Variants in GRIA1 observed in about 807,000 individuals in gnomAD.
GRIA1 encodes the protein glutamate ionotropic receptor AMPA type subunit 1.
A neutral mutation model predicts 99.2 loss-of-function variants in GRIA1; 31 were observed. That is an observed-to-expected ratio of 0.31 (90% CI 0.23 to 0.42). GRIA1 has a LOEUF of 0.42. Among genes scored for constraint, GRIA1 ranks in the 10% least tolerant of loss-of-function variants. The pLI is 1.00. For missense variants in GRIA1, 782 were observed against 1,157.5 expected, an observed-to-expected ratio of 0.68 and a Z score of 4.71; for synonymous variants, 438 against 432.4, an observed-to-expected ratio of 1.01 and a Z score of -0.16.
intron 8 of GRIA1, among the ~76,000 whole-genome samples, chr5:153,692,274 A>G (rs1467121624): frequency 2.6e-5 from 4 of 152,102 alleles, no homozygotes; most frequent in Non-Finnish European, 5.9e-5. Flanking sequence ...TGTACTTTTC[A>G]TGGTGCTTAT....
intron 13 of GRIA1, among the ~76,000 whole-genome samples, chr5:153,771,870 A>C (rs1410705326): frequency 6.6e-6 from 1 of 152,140 alleles, no homozygotes; most frequent in Non-Finnish European, 1.5e-5. Context: ...TAAAAACATA[A>C]GGTAATCAAA....
At chr5:153,749,849 AAAT>A (rs1762397644) in intron 11 of GRIA1, among the ~76,000 whole-genome samples, 1 of 152,084 alleles carries the variant, frequency 6.6e-6, no homozygotes, top group East Asian at 1.9e-4. Flanking sequence ...TGGAAAAAAA[AAAT>A]AGGAACAAAG....
intron 2 of GRIA1, among the ~76,000 whole-genome samples, chr5:153,583,824 G>T (rs1763245525): frequency 1.3e-5 from 2 of 152,086 alleles, no homozygotes; most frequent in South Asian, 4.1e-4. Flanking sequence ...AGAAACTGAG[G>T]GCTGGGAAAG....
intron 11 of GRIA1, among the ~76,000 whole-genome samples, chr5:153,715,642 G>T (rs940908289): frequency 6.6e-6 from 1 of 152,134 alleles, no homozygotes; most frequent in African/African-American, 2.4e-5. Context: ...CACTGTAAAT[G>T]CTGTTGTTAT....
chr5:153,803,981 G>A (rs1346093648), intron 15 of GRIA1, among the ~76,000 whole-genome samples: 2 of 152,114 alleles, frequency 1.3e-5, no homozygotes, highest in Non-Finnish European at 2.9e-5. Flanking sequence ...GCATTTCCCT[G>A]TCAGCCTACC....
intron 2 of GRIA1, among the ~76,000 whole-genome samples, chr5:153,620,233 T>C (rs71588096): frequency 0.038 from 5,804 of 152,194 alleles, 168 homozygotes; most frequent in Middle Eastern, 0.075. Flanking sequence ...CTGGAAAACA[T>C]AGAAGGAACT....
intron 2 of GRIA1, among the ~76,000 whole-genome samples, chr5:153,503,969 C>T (rs1055505636): frequency 4.6e-5 from 7 of 152,168 alleles, no homozygotes; most frequent in African/African-American, 1.7e-4. Flanking sequence ...TATATCAGAT[C>T]CCAGCACTGG....
chr5:153,623,018 A>C (rs892695744), intron 2 of GRIA1, among the ~76,000 whole-genome samples: 4 of 152,254 alleles, frequency 2.6e-5, no homozygotes, highest in Non-Finnish European at 5.9e-5. Flanking sequence ...AAACAGATTT[A>C]GGATAACTAT....
chr5:153,557,805 G>C lies in GRIA1; in HGVS notation c.220+63740G>C, dbSNP rs371928148. 2.0e-5 allele frequency: 3 copies of C among 152,258 alleles called. No homozygotes were observed. In the East Asian group the frequency reaches 5.8e-4, roughly 29 times the overall value. The allele number at this position is 152,258 out of a possible 1,614,324, so 9.4% of individuals were successfully genotyped here. A position where few individuals can be genotyped will look rare whatever the true frequency, so the allele number is the denominator to read the frequency against. Reference sequence around the variant, plus strand: ...TTTCTTCCACCTCCACAGCTTGTCCGGCTGAAAGGTCTTCAGTGGCAATAG... The same window carrying C: ...TTTCTTCCACCTCCACAGCTTGTCCCGCTGAAAGGTCTTCAGTGGCAATAG... On this transcript the variant is annotated intron_variant, in intron 2 of 15. Coordinates refer to ENST00000285900, the MANE Select transcript of GRIA1 (RefSeq NM_000827.4).
intron 13 of GRIA1, among the ~76,000 whole-genome samples, chr5:153,780,002 C>T (rs980459640): frequency 1.3e-5 from 2 of 152,188 alleles, no homozygotes; most frequent in African/African-American, 4.8e-5. Flanking sequence ...TGGCCTTTAC[C>T]TAGGTGAGAA....
intron 3 of GRIA1, 115 bp from the exon 4 acceptor site, chr5:153,650,215 T>G (rs1754452141): frequency 2.3e-5 from 18 of 773,468 alleles, no homozygotes; most frequent in South Asian, 1.9e-4. Context: ...TAGAACTGAG[T>G]TTGGCAGAAG....
At chr5:153,655,127 G>A (rs1363677) in intron 4 of GRIA1, among the ~76,000 whole-genome samples, 61,636 of 152,006 alleles carry the variant, frequency 0.41, 13,184 homozygotes, top group Non-Finnish European at 0.45. Flanking sequence ...TCTGGGCAAA[G>A]CATTTTCCCT....
intron 2 of GRIA1, among the ~76,000 whole-genome samples, chr5:153,530,423 G>C (rs1052553779): frequency 7.2e-5 from 11 of 152,200 alleles, no homozygotes; most frequent in African/African-American, 2.7e-4. Context: ...CTCTGGCCCT[G>C]ACTGCCTCCA....
intron 2 of GRIA1, among the ~76,000 whole-genome samples, chr5:153,637,324 A>C (rs928077531): frequency 6.6e-6 from 1 of 152,170 alleles, no homozygotes; most frequent in Non-Finnish European, 1.5e-5. Context: ...ATACACTTTA[A>C]AATGGAGTTG....
chr5:153,493,824 T>G, intron 1 of GRIA1, 104 bp from the exon 2 acceptor site: 2 of 1,135,924 alleles, frequency 1.8e-6, no homozygotes, highest in Non-Finnish European at 2.6e-6. Flanking sequence ...CTACAGCTAG[T>G]GAGTTTGGCA....
chr5:153,582,284 C>T (rs1763109527), intron 2 of GRIA1, among the ~76,000 whole-genome samples: 1 of 152,174 alleles, frequency 6.6e-6, no homozygotes, highest in African/African-American at 2.4e-5. Context: ...CAAATTATAG[C>T]ATTCAAGGGT....
chr5:153,670,810 C>G (rs73285446), intron 5 of GRIA1, among the ~76,000 whole-genome samples: 3,111 of 152,138 alleles, frequency 0.02, 98 homozygotes, highest in African/African-American at 0.071. Context: ...ACCTTTATTT[C>G]CCCCTTCTTA....
intron 2 of GRIA1, among the ~76,000 whole-genome samples, chr5:153,579,507 C>T (rs986083999): frequency 6.6e-6 from 1 of 152,090 alleles, no homozygotes; most frequent in Non-Finnish European, 1.5e-5. Flanking sequence ...GGAGCTTGTC[C>T]TCATTAGTCA....
chr5:153,639,637 C>T (rs1039142934), intron 2 of GRIA1, among the ~76,000 whole-genome samples: 2 of 152,164 alleles, frequency 1.3e-5, no homozygotes, highest in African/African-American at 4.8e-5. Context: ...TTCGCAGCAT[C>T]CAAAATGGCC....
Sources: gnomAD v4.1 joint callset for allele counts (sites outside exome capture counted in the v4.1 genomes callset) on GRCh38, gnomAD v4.1.1 for gene constraint, MANE v1.5 for transcripts, NCBI Gene and HGNC (gene_info 2026-07-23, HGNC 2026-07-21) for gene names.